The following SLC60A2 variants were observed in gnomAD, a reference collection of about 807,000 sequenced individuals.
SLC60A2 encodes major facilitator superfamily domain containing 4B.
the SLC60A2 span, among the ~76,000 whole-genome samples, chr6:111,276,280 A>G: frequency 6.6e-6 from 1 of 152,216 alleles, no homozygotes; most frequent in Non-Finnish European, 1.5e-5. Context: ...CTTTTGAGAT[A>G]TATACCCATA....
At chr6:111,262,939 CT>C in the SLC60A2 span, among the ~76,000 whole-genome samples, 74 of 146,152 alleles carry the variant, frequency 5.1e-4, no homozygotes, top group Middle Eastern at 3.6e-3. Flanking sequence ...GGCAAAGCTG[CT>C]TTTTTTTTTT....
the SLC60A2 span, among the ~76,000 whole-genome samples, chr6:111,272,731 C>T: frequency 1.0e-3 from 156 of 152,016 alleles, 1 homozygote; most frequent in Non-Finnish European, 1.5e-3. Context: ...AGGCTGGTCT[C>T]GAACTCCTGA....
At chr6:111,266,157 AT>A in the SLC60A2 span, 57 of 1,605,624 alleles carry the variant, frequency 3.6e-5, no homozygotes, top group Middle Eastern at 1.7e-4. Context: ...AGTTTCTGTC[AT>A]TTTTTTTTGT....
At chr6:111,264,896 C>G in the SLC60A2 span, among the ~76,000 whole-genome samples, 4 of 151,638 alleles carry the variant, frequency 2.6e-5, no homozygotes, top group Non-Finnish European at 5.9e-5. Context: ...GAGTTCAAGA[C>G]CAGCCTGACC....
the SLC60A2 span, among the ~76,000 whole-genome samples, chr6:111,277,301 T>G: frequency 6.6e-6 from 1 of 152,238 alleles, no homozygotes; most frequent in African/African-American, 2.4e-5. Flanking sequence ...ATTGCAGACT[T>G]TTTTGGAAGA....
At chr6:111,271,485 A>G in the SLC60A2 span, among the ~76,000 whole-genome samples, 1 of 152,092 alleles carries the variant, frequency 6.6e-6, no homozygotes, top group Admixed American at 6.6e-5. Context: ...TCCATCAGAT[A>G]AAGTATCAGA....
chr6:111,276,389 G>A, the SLC60A2 span, among the ~76,000 whole-genome samples: 2 of 152,172 alleles, frequency 1.3e-5, no homozygotes, highest in African/African-American at 4.8e-5. Flanking sequence ...TTTTCCAGAA[G>A]AGAGTAGCTT....
At chr6:111,276,705 A>G in the SLC60A2 span, among the ~76,000 whole-genome samples, 1 of 152,052 alleles carries the variant, frequency 6.6e-6, no homozygotes, top group African/African-American at 2.4e-5. Context: ...TTTTGTGCTC[A>G]TTCGTTTACA....
chr6:111,267,893 A>C, the SLC60A2 span: 3 of 152,212 alleles, frequency 2.0e-5, no homozygotes, highest in Non-Finnish European at 4.4e-5. Flanking sequence ...GAATGTAATG[A>C]CTCATTTGAT....
the SLC60A2 span, chr6:111,263,990 T>C: frequency 9.9e-7 from 1 of 1,006,246 alleles, no homozygotes; most frequent in South Asian, 1.3e-5. Flanking sequence ...AGGGACTTGC[T>C]AGAAGAAGTA....
At chr6:111,262,516 G>A in the SLC60A2 span, 3 of 1,255,574 alleles carry the variant, frequency 2.4e-6, no homozygotes, top group Non-Finnish European at 3.4e-6. Flanking sequence ...ATGCAGAATG[G>A]TTGGCCACTG....
chr6:111,277,421 C>T, the SLC60A2 span, among the ~76,000 whole-genome samples: 1 of 152,170 alleles, frequency 6.6e-6, no homozygotes, highest in Non-Finnish European at 1.5e-5. Flanking sequence ...TCCCAGTTTG[C>T]AAGAGATATT....
the SLC60A2 span, chr6:111,262,203 T>A: frequency 6.8e-7 from 1 of 1,462,806 alleles, no homozygotes; most frequent in Non-Finnish European, 9.5e-7. Flanking sequence ...TACCACATAG[T>A]TAGACATTAT....
the SLC60A2 span, among the ~76,000 whole-genome samples, chr6:111,263,138 A>G: frequency 1.3e-5 from 2 of 152,168 alleles, no homozygotes; most frequent in Non-Finnish European, 2.9e-5. Context: ...GGGTTTCACC[A>G]TGTTGCCCAG....
chr6:111,273,806 G>A, the SLC60A2 span, among the ~76,000 whole-genome samples: 1 of 152,076 alleles, frequency 6.6e-6, no homozygotes, highest in Non-Finnish European at 1.5e-5. Flanking sequence ...GCTCACTGTA[G>A]TTTTGACCTC....
the SLC60A2 span, among the ~76,000 whole-genome samples, chr6:111,261,387 A>G: frequency 2.0e-5 from 3 of 152,170 alleles, no homozygotes; most frequent in Non-Finnish European, 4.4e-5. Flanking sequence ...CTCAGGGCTT[A>G]AGCGATCCTT....
the SLC60A2 span, among the ~76,000 whole-genome samples, chr6:111,277,484 A>T: frequency 6.6e-6 from 1 of 152,222 alleles, no homozygotes; most frequent in Non-Finnish European, 1.5e-5. Context: ...CATGCATTTC[A>T]GTTATCTAAC....
the SLC60A2 span, among the ~76,000 whole-genome samples, chr6:111,263,332 T>G: frequency 2.0e-5 from 3 of 152,120 alleles, no homozygotes; most frequent in Non-Finnish European, 2.9e-5. Context: ...AATTTGTTAT[T>G]GTTAAGGAAT....
chr6:111,266,378 C>T, the SLC60A2 span: 1 of 1,614,038 alleles, frequency 6.2e-7, no homozygotes, highest in Non-Finnish European at 8.5e-7. Context: ...GGTTGAACTC[C>T]ATCTTCTGGG....
Sources: allele counts gnomAD v4.1 joint callset (sites outside exome capture counted in the v4.1 genomes callset), GRCh38; gene constraint gnomAD v4.1.1; transcripts MANE v1.5; gene names NCBI Gene and HGNC (gene_info 2026-07-23, HGNC 2026-07-21).